Variants in VPS54 observed in about 807,000 individuals in gnomAD.
VPS54 encodes the protein VPS54 subunit of GARP complex, also known as vacuolar protein sorting-associated protein 54.
Under a neutral mutation model 121.5 loss-of-function variants are expected in VPS54, and 45 were observed. That is an observed-to-expected ratio of 0.37 (90% confidence interval 0.29 to 0.47). The LOEUF is 0.47. Ranked by LOEUF, VPS54 falls within the 20% of genes least tolerant of loss-of-function variation. The pLI is 0.99. For missense variants in VPS54, 1,090 were observed against 1,131.4 expected, an observed-to-expected ratio of 0.96 and a Z score of 0.52; for synonymous variants, 371 against 385.8, an observed-to-expected ratio of 0.96 and a Z score of 0.45.
chr2:63,934,899 G>A (rs1674381465), intron 11 of VPS54, among the ~76,000 whole-genome samples: 1 of 152,114 alleles, frequency 6.6e-6, no homozygotes, highest in Non-Finnish European at 1.5e-5. Context: ...ATAAAGGACT[G>A]CTTGCCTATT....
intron 3 of VPS54, chr2:63,975,310 T>G (rs1676471690): frequency 3.2e-6 from 1 of 308,522 alleles, no homozygotes; most frequent in East Asian, 5.1e-5. Context: ...GGGAGGAACT[T>G]AGCTTATAGT....
intron 12 of VPS54, among the ~76,000 whole-genome samples, chr2:63,927,253 T>G (rs181293324): frequency 0.018 from 2,682 of 152,150 alleles, 34 homozygotes; most frequent in Non-Finnish European, 0.022. Context: ...CACCTCCCAG[T>G]AGGGGGCCGA....
intron 4 of VPS54, among the ~76,000 whole-genome samples, chr2:63,970,914 A>T (rs554401727): frequency 3.9e-5 from 6 of 152,210 alleles, no homozygotes; most frequent in Non-Finnish European, 8.8e-5. Context: ...GTCTATGATG[A>T]TGTCTACCAT....
intron 1 of VPS54, among the ~76,000 whole-genome samples, chr2:64,005,558 A>G (rs1422961657): frequency 6.6e-6 from 1 of 152,232 alleles, no homozygotes; most frequent in Non-Finnish European, 1.5e-5. Flanking sequence ...TGTACTGTCC[A>G]TACTGTATCC....
Position 63,915,066 on chromosome 2 carries a change from G to A in VPS54, c.2229-779C>T, listed in dbSNP as rs907975590. Among the ~76,000 whole-genome samples the A allele has an allele frequency of 1.1e-4, 16 of 141,176 alleles. No individual in the cohort carries two copies. In the East Asian group the frequency reaches 2.2e-3, roughly 20 times the overall value. The allele number at this position is 141,176 out of a possible 152,430, so 92.6% of individuals were successfully genotyped here. ...CTGGGGAGGCTGAGGCAGGAGAATC[G>A]TTTGAACCTGGGAGCCGGAGGTTGT... On this transcript the variant is annotated intron_variant, in intron 16 of 22. Coordinates refer to ENST00000272322, the MANE Select transcript of VPS54 (RefSeq NM_016516.3).
chr2:63,948,406 C>A (rs4277507), intron 8 of VPS54, among the ~76,000 whole-genome samples: 3 of 138,538 alleles, frequency 2.2e-5, no homozygotes, highest in African/African-American at 8.0e-5. Context: ...ATAATGATCA[C>A]TTTTTCGGTT....
rs747731456 is a variant in VPS54 at position 63,909,725 on chromosome 2, G to GTTTTTGTTTTTTTTTTTTT, written c.2625+2619_2625+2620insAAAAAAAAAAAAACAAAAA. Reference sequence around the variant, plus strand: ...AAGCGACCTCGCCTGGCCGTTTTTGGTTTTTTTTTTTTTTTTGAGACAGAG... The same window carrying GTTTTTGTTTTTTTTTTTTT: ...AAGCGACCTCGCCTGGCCGTTTTTGGTTTTTGTTTTTTTTTTTTTTTTTTTTTTTTTTTTTGAGACAGAG... On this transcript the variant is annotated intron_variant, in intron 20 of 22. Coordinates refer to ENST00000272322, the MANE Select transcript of VPS54 (RefSeq NM_016516.3). Among the ~76,000 whole-genome samples, 212 of 115,212 alleles carry GTTTTTGTTTTTTTTTTTTT rather than the reference G, an allele frequency of 1.8e-3. 12 individuals are homozygous for GTTTTTGTTTTTTTTTTTTT. The highest frequency in any genetic ancestry group is 6.0e-3 in the Middle Eastern group (1 of 166). 75.6% of individuals were successfully genotyped at this position (115,212 alleles called of 152,430 possible).
At chr2:63,951,268 C>CA (rs971790897) in intron 7 of VPS54, among the ~76,000 whole-genome samples, 1 of 142,246 alleles carries the variant, frequency 7.0e-6, no homozygotes, top group Non-Finnish European at 1.5e-5. Flanking sequence ...ATCTACTATA[C>CA]ACATCAAGGA....
chr2:63,906,556 T>G (rs1672910988), intron 20 of VPS54, among the ~76,000 whole-genome samples: 1 of 152,186 alleles, frequency 6.6e-6, no homozygotes, highest in African/African-American at 2.4e-5. Context: ...TGGTAAACAT[T>G]TAATGGGCTC....
chr2:63,995,389 C>T (rs568897395), intron 1 of VPS54, among the ~76,000 whole-genome samples: 5 of 152,304 alleles, frequency 3.3e-5, no homozygotes, highest in South Asian at 4.1e-4. Flanking sequence ...ATCTGGATTC[C>T]GGTAACTTTG....
At chr2:63,964,852 T>G (rs1008770176) in intron 6 of VPS54, among the ~76,000 whole-genome samples, 3 of 152,180 alleles carry the variant, frequency 2.0e-5, no homozygotes, top group African/African-American at 4.8e-5. Flanking sequence ...TTTTAAGAAC[T>G]ACCTTCAGTT....
chr2:63,983,066 C>T (rs1170167703), intron 2 of VPS54, among the ~76,000 whole-genome samples: 1 of 151,966 alleles, frequency 6.6e-6, no homozygotes, highest in African/African-American at 2.4e-5. Flanking sequence ...CAATCTGTAC[C>T]TTCATTTTCA....
chr2:63,940,076 T>A (rs1157033306), intron 11 of VPS54, among the ~76,000 whole-genome samples: 2 of 152,130 alleles, frequency 1.3e-5, no homozygotes, highest in Non-Finnish European at 2.9e-5. Context: ...CATTTTTAAC[T>A]GAATATCATA....
intron 20 of VPS54, among the ~76,000 whole-genome samples, chr2:63,907,300 C>G (rs1672942036): frequency 2.0e-5 from 3 of 152,080 alleles, no homozygotes; most frequent in South Asian, 4.1e-4. Flanking sequence ...GGGCAGATCA[C>G]CTGAGGTCGG....
chr2:63,986,980 A>C (rs1456495897), intron 1 of VPS54, among the ~76,000 whole-genome samples: 1 of 152,226 alleles, frequency 6.6e-6, no homozygotes, highest in African/African-American at 2.4e-5. Context: ...ATCCCTTGTC[A>C]GATGGGTAGT....
In VPS54 at chr2:63,969,095, TA is replaced by T. The variant is rs1676148968; in HGVS notation, c.458-105del. On this transcript the variant is annotated intron_variant, in intron 4 of 22. Transcript: ENST00000272322. ...AGTATTGTACTGGGTCACATCCAAA[TA>T]ACTAAAGTTTATTCCTTCAACAAAT... The T allele has an allele frequency of 1.2e-5, 11 of 905,632 alleles. No individual in the cohort carries two copies. The South Asian group carries it at 1.8e-4, about 15-fold the overall frequency. 56.1% of individuals were successfully genotyped at this position (905,632 alleles called of 1,614,324 possible).
At chr2:63,914,586 C>G (rs781755654) in intron 16 of VPS54, among the ~76,000 whole-genome samples, 1 of 152,068 alleles carries the variant, frequency 6.6e-6, no homozygotes, top group African/African-American at 2.4e-5. Context: ...AGGCATAATA[C>G]TCTCTGTATG....
At chr2:63,976,827 T>C (rs1313551729) in intron 3 of VPS54, among the ~76,000 whole-genome samples, 3 of 104,786 alleles carry the variant, frequency 2.9e-5, no homozygotes, top group Non-Finnish European at 6.5e-5. Flanking sequence ...TATCTTCTCT[T>C]TTTTTTTTTT....
chr2:63,973,862 A>G (rs1575976323), intron 3 of VPS54, among the ~76,000 whole-genome samples: 1 of 152,244 alleles, frequency 6.6e-6, no homozygotes. Context: ...CCTGTATCAG[A>G]TATGTGTTTT....
Sources: allele counts gnomAD v4.1 joint callset (sites outside exome capture counted in the v4.1 genomes callset), GRCh38; gene constraint gnomAD v4.1.1; transcripts MANE v1.5; gene names NCBI Gene and HGNC (gene_info 2026-07-23, HGNC 2026-07-21).